Variants in ASAP1 observed in about 807,000 individuals in gnomAD.
ASAP1 encodes arf-GAP with SH3 domain, ANK repeat and PH domain-containing protein 1.
A neutral mutation model predicts 145.2 loss-of-function variants in ASAP1; 43 were observed. The ratio of observed to expected loss-of-function variants is 0.30; its 90% CI spans 0.23 to 0.38. The LOEUF is 0.38. ASAP1 is among the 10% of genes least tolerant of loss of function. The pLI is 1.00. For missense variants in ASAP1, 1,018 were observed against 1,355.3 expected, an observed-to-expected ratio of 0.75 and a Z score of 3.91; for synonymous variants, 546 against 515.5, an observed-to-expected ratio of 1.06 and a Z score of -0.80.
chr8:130,128,302 C>T (rs962668843), intron 15 of ASAP1, among the ~76,000 whole-genome samples: 5 of 151,406 alleles, frequency 3.3e-5, no homozygotes, highest in Non-Finnish European at 7.4e-5. Flanking sequence ...AAAAATGACA[C>T]ATAGGGGAAA....
At chr8:130,177,014 T>C (rs959766309) in intron 9 of ASAP1, among the ~76,000 whole-genome samples, 6 of 152,150 alleles carry the variant, frequency 3.9e-5, no homozygotes, top group Admixed American at 1.3e-4. Context: ...TGATGCTCCA[T>C]GGTACCCGTC....
At chr8:130,230,782 G>A (rs1817867390) in intron 4 of ASAP1, among the ~76,000 whole-genome samples, 1 of 152,028 alleles carries the variant, frequency 6.6e-6, no homozygotes, top group African/African-American at 2.4e-5. Context: ...AGCAAAAAAA[G>A]GTAAAATTTC....
chr8:130,344,343 GT>G (rs139791034), intron 3 of ASAP1, among the ~76,000 whole-genome samples: 2 of 151,776 alleles, frequency 1.3e-5, no homozygotes, highest in Non-Finnish European at 2.9e-5. Context: ...CCGAGGAAGT[GT>G]TTTTTTCAGA....
intron 2 of ASAP1, among the ~76,000 whole-genome samples, chr8:130,400,756 G>T (rs556808214): frequency 6.9e-6 from 1 of 145,494 alleles, no homozygotes; most frequent in Admixed American, 7.0e-5. Context: ...GCGCCACTGC[G>T]CTCCAGCCTG....
At chr8:130,305,746 G>T (rs1822953278) in intron 3 of ASAP1, among the ~76,000 whole-genome samples, 1 of 152,120 alleles carries the variant, frequency 6.6e-6, no homozygotes. Context: ...GACCAGATCA[G>T]TTACACTAGC....
At chr8:130,114,494 G>A (rs1242548149) in intron 23 of ASAP1, among the ~76,000 whole-genome samples, 4 of 152,186 alleles carry the variant, frequency 2.6e-5, no homozygotes, top group Non-Finnish European at 5.9e-5. Flanking sequence ...TGTGAGTGAA[G>A]GCCTAGGACA....
At chr8:130,409,070 T>C (rs1375297065) in intron 1 of ASAP1, among the ~76,000 whole-genome samples, 2 of 152,150 alleles carry the variant, frequency 1.3e-5, no homozygotes, top group Non-Finnish European at 2.9e-5. Flanking sequence ...GAGACCAGCC[T>C]GGCCAACATG....
At chr8:130,226,515 C>T (rs948758495) in intron 4 of ASAP1, among the ~76,000 whole-genome samples, 3 of 152,150 alleles carry the variant, frequency 2.0e-5, no homozygotes, top group African/African-American at 7.2e-5. Context: ...TGCTTTCCTC[C>T]ATGCCACTTT....
chr8:130,063,613 C>T (rs2045091), intron 27 of ASAP1, among the ~76,000 whole-genome samples: 23,455 of 152,170 alleles, frequency 0.15, 2,476 homozygotes, highest in East Asian at 0.44. Context: ...TGCTGCATGA[C>T]GTAGCTTCAT....
chr8:130,061,986 A>G (rs563351204), intron 27 of ASAP1, among the ~76,000 whole-genome samples: 1 of 152,340 alleles, frequency 6.6e-6, no homozygotes, highest in East Asian at 1.9e-4. Context: ...GCTGCAATTT[A>G]CTGATCTCTT....
At chr8:130,162,809 C>T (rs2097672142) in intron 11 of ASAP1, among the ~76,000 whole-genome samples, 1 of 140,418 alleles carries the variant, frequency 7.1e-6, no homozygotes, top group South Asian at 2.7e-4. Flanking sequence ...CAGAGGGAGA[C>T]TCCGTCTCAA....
At chr8:130,251,286 T>C (rs1423050733) in intron 3 of ASAP1, among the ~76,000 whole-genome samples, 1 of 152,044 alleles carries the variant, frequency 6.6e-6, no homozygotes, top group Non-Finnish European at 1.5e-5. Flanking sequence ...GATGTGGTGA[T>C]GGGCACTTGT....
intron 3 of ASAP1, among the ~76,000 whole-genome samples, chr8:130,343,819 C>A (rs1216232387): frequency 1.3e-5 from 2 of 152,100 alleles, no homozygotes; most frequent in Non-Finnish European, 2.9e-5. Flanking sequence ...CAATGACATG[C>A]CTTTTTAAAT....
At chr8:130,105,721 A>T (rs1391710865) in intron 24 of ASAP1, among the ~76,000 whole-genome samples, 1 of 152,204 alleles carries the variant, frequency 6.6e-6, no homozygotes, top group East Asian at 1.9e-4. Flanking sequence ...CCACATTCAG[A>T]TGGAGAAACA....
At chr8:130,407,467 G>A (rs188230938) in intron 1 of ASAP1, among the ~76,000 whole-genome samples, 20 of 152,270 alleles carry the variant, frequency 1.3e-4, no homozygotes, top group South Asian at 1.2e-3. Context: ...GCAGGGGAGC[G>A]GCAGCATCTG....
At chr8:130,188,052 G>GAA (rs113293903) in intron 6 of ASAP1, 57 bp downstream of exon 6, 1,017 of 1,224,840 alleles carry the variant, frequency 8.3e-4, no homozygotes, top group East Asian at 1.6e-3. Context: ...CTTGAAAGAG[G>GAA]AAAAAAAAAA....
intron 20 of ASAP1, 41 bp from the exon 21 acceptor site, chr8:130,117,036 TA>T (rs762697974): frequency 6.9e-7 from 1 of 1,458,584 alleles, no homozygotes; most frequent in Non-Finnish European, 9.5e-7. Context: ...TGACTTACTT[TA>T]TAACTTAAAA....
intron 12 of ASAP1, among the ~76,000 whole-genome samples, chr8:130,153,359 GTATATATA>G (rs1208128915): frequency 2.5e-3 from 72 of 28,936 alleles, no homozygotes; most frequent in African/African-American, 7.1e-3. Flanking sequence ...ATATATATAT[GTATATATA>G]TATATATATA....
At chr8:130,059,021 A>G (rs2097411165) in intron 28 of ASAP1, among the ~76,000 whole-genome samples, 1 of 152,198 alleles carries the variant, frequency 6.6e-6, no homozygotes, top group Admixed American at 6.5e-5. Flanking sequence ...ATTTTGCATC[A>G]GTGGTGCTTG....
Sources: gnomAD v4.1 joint callset for allele counts (sites outside exome capture counted in the v4.1 genomes callset) on GRCh38, gnomAD v4.1.1 for gene constraint, MANE v1.5 for transcripts, NCBI Gene and HGNC (gene_info 2026-07-23, HGNC 2026-07-21) for gene names.